The following PDK4 variants were observed in gnomAD, a reference collection of about 807,000 sequenced individuals.
The protein encoded by PDK4 is pyruvate dehydrogenase kinase, isozyme 4.
A neutral mutation model predicts 51.7 loss-of-function variants in PDK4; 43 were observed. That is an observed-to-expected ratio of 0.83 (90% CI 0.65 to 1.07). The LOEUF (loss-of-function observed/expected upper bound fraction) is 1.07, where lower values mean the gene tolerates loss of function less well. PDK4 is among the 50% of genes least tolerant of loss of function. The probability of loss-of-function intolerance (pLI) is 0.00; values close to 1 mark genes in which losing one functional copy is unlikely to be tolerated. For missense variants in PDK4, 498 were observed against 503.5 expected, an observed-to-expected ratio of 0.99 and a Z score of 0.10; for synonymous variants, 170 against 176.6, an observed-to-expected ratio of 0.96 and a Z score of 0.30.
At chr7:95,588,951 T>G (rs1791519039) in intron 7 of PDK4, among the ~76,000 whole-genome samples, 1 of 152,210 alleles carries the variant, frequency 6.6e-6, no homozygotes, top group South Asian at 2.1e-4. Flanking sequence ...AGAATCTGTG[T>G]TTTAACATGC....
At chr7:95,589,545 A>G in intron 7 of PDK4, 95 bp downstream of exon 7, 2 of 656,852 alleles carry the variant, frequency 3.0e-6, no homozygotes, top group South Asian at 2.2e-5. Flanking sequence ...AAAGATATTG[A>G]GGCTTCTGTT....
intron 7 of PDK4, among the ~76,000 whole-genome samples, 182 bp downstream of exon 7, chr7:95,589,458 C>T (rs1791525443): frequency 1.3e-5 from 2 of 152,196 alleles, no homozygotes; most frequent in South Asian, 2.1e-4. Context: ...GTTGATGCTA[C>T]AATGAGCTAC....
At chr7:95,593,360 T>C (rs1439600127) in intron 3 of PDK4, among the ~76,000 whole-genome samples, 3 of 152,118 alleles carry the variant, frequency 2.0e-5, no homozygotes, top group Non-Finnish European at 2.9e-5. Context: ...TCAGTTACTC[T>C]GAAAGAAAAT....
intron 1 of PDK4, 146 bp from the exon 2 acceptor site, chr7:95,595,310 G>T (rs954911138): frequency 1.9e-6 from 1 of 527,852 alleles, no homozygotes; most frequent in Non-Finnish European, 3.3e-6. Flanking sequence ...CGATAATTCA[G>T]GGGCGATTGT....
Position 95,596,431 on chromosome 7 carries a change from CCTGGG to C in PDK4, c.-143_-139del. 1.0e-6 allele frequency: 1 copy of C among 957,734 alleles called. No homozygotes were observed. The highest frequency in any genetic ancestry group is 1.8e-5 in the African/African-American group (1 of 56,670). The allele number at this position is 957,734 out of a possible 1,614,324, so 59.3% of individuals were successfully genotyped here. ...GCGCTGGCTGGCTTGTGCGCCCCGG[CCTGGG>C]CTGGGGTTTGAGGGTGCCGCGGAGT... is the stretch of plus-strand genomic sequence containing the variant. On this transcript the variant is annotated 5_prime_UTR_variant, in exon 1 of 11. Transcript: ENST00000005178.
intron 7 of PDK4, among the ~76,000 whole-genome samples, 193 bp downstream of exon 7, chr7:95,589,447 T>G (rs1791525330): frequency 6.6e-6 from 1 of 152,238 alleles, no homozygotes; most frequent in Non-Finnish European, 1.5e-5. Context: ...CTCAAATATG[T>G]GTTGATGCTA....
intron 5 of PDK4, 43 bp from the exon 6 acceptor site, chr7:95,592,108 G>A: frequency 9.3e-7 from 1 of 1,078,406 alleles, no homozygotes. Flanking sequence ...ATGAGTTTAT[G>A]CCAAGTACAG....
In PDK4 at chr7:95,585,668, C is replaced by G. The variant is rs764370330; in HGVS notation, c.1209G>C (p.Lys403Asn). ...DDWCIPSREPKNLAKEVAM is the reference protein window; with the variant it reads ...DDWCIPSREPNNLAKEVAM ...ACATGGCCACTTCTTTTGCCAGGTT[C>G]TTTGGTTCCCTGCTTGGGATACACC... is the stretch of plus-strand genomic sequence containing the variant. Residue 403 changes from lysine (K) to asparagine (N), a missense_variant, in exon 11 of 11, where the codon AAG (lysine) becomes AAC (asparagine). Lys to Asn is a moderately conservative substitution (Grantham distance 94). Coordinates refer to ENST00000005178, the MANE Select transcript of PDK4 (RefSeq NM_002612.4). 2.5e-6 allele frequency: 4 copies of G among 1,610,234 alleles called. No individual in the cohort carries two copies. Among genetic ancestry groups the G allele is most frequent in the East Asian group, 2.2e-5 (1 of 44,792 alleles).
intron 6 of PDK4, among the ~76,000 whole-genome samples, chr7:95,590,438 A>G (rs565789084): frequency 4.6e-5 from 7 of 152,174 alleles, no homozygotes; most frequent in Non-Finnish European, 5.9e-5. Context: ...AATAAAAAGT[A>G]AAATAAAATT....
At position 95,593,708 on chromosome 7, in the gene PDK4, G is replaced by T; in HGVS notation, c.335C>A (p.Ala112Glu). 1 of 1,516,042 alleles carries T rather than the reference G, an allele frequency of 6.6e-7. No homozygotes were observed. Among genetic ancestry groups the T allele is most frequent in the Non-Finnish European group, 9.2e-7 (1 of 1,090,726 alleles). The allele number at this position is 1,516,042 out of a possible 1,614,324, so 93.9% of individuals were successfully genotyped here. A position where few individuals can be genotyped will look rare whatever the true frequency, so the allele number is the denominator to read the frequency against. The change falls in exon 3 of 11, where the codon GCA becomes GAA. Residue 112 changes from alanine to glutamate, a missense_variant. Coordinates refer to ENST00000005178, the MANE Select transcript of PDK4 (RefSeq NM_002612.4). ...FHEKSPDDQK[A>E]LSDFVDTLIK... ...AATGCATAGAGCTTACTCTGATAAT[G>T]CTTTCTGGTCATCTGGGCTTTTCTC...
In PDK4 at chr7:95,587,739, G is replaced by T; in HGVS notation, c.858C>A (p.Asp286Glu). The T allele has an allele frequency of 6.2e-7, 1 of 1,605,798 alleles. No individual in the cohort carries two copies. The highest frequency in any genetic ancestry group is 1.3e-5 in the African/African-American group (1 of 74,908). ...IEVIVVLGKE[D>E]LTIKISDRGG... Reference sequence around the variant, plus strand: ...AGAGAATGGTTACCTTAATGGTAAGGTCTTCTTTTCCCAAGACAACAATAA... The same window carrying T: ...AGAGAATGGTTACCTTAATGGTAAGTTCTTCTTTTCCCAAGACAACAATAA... The change falls in exon 8 of 11, where the codon GAC (aspartate) becomes GAA (glutamate). Residue 286 changes from aspartate (D) to glutamate (E), a missense_variant. Asp to Glu is a conservative substitution (Grantham distance 45). Coordinates refer to ENST00000005178, the MANE Select transcript of PDK4 (RefSeq NM_002612.4).
At chr7:95,595,623 A>G (rs1791609724) in intron 1 of PDK4, among the ~76,000 whole-genome samples, 1 of 152,208 alleles carries the variant, frequency 6.6e-6, no homozygotes, top group African/African-American at 2.4e-5. Context: ...AATCTTCCTT[A>G]TAAGATTACT....
Position 95,593,448 on chromosome 7 carries a change from A to C in PDK4, c.344+251T>G, listed in dbSNP as rs554458142. The stretch of plus-strand genomic sequence containing the variant: ...TCCTACACATCTCATTATTGGAGTA[A>C]ATTTATAGTAAAAATAGGTCTCCCT... On this transcript the variant is annotated intron_variant, in intron 3 of 10. Transcript: ENST00000005178. Among the ~76,000 whole-genome samples, 3 of 152,224 alleles carry C rather than the reference A, an allele frequency of 2.0e-5. No homozygotes were observed. The East Asian group carries it at 5.8e-4, about 29-fold the overall frequency.
rs1791624235 is a variant in PDK4 at position 95,596,442 on chromosome 7, G to C, written c.-149C>G. 3 of 794,626 alleles carry C rather than the reference G, an allele frequency of 3.8e-6. No individual in the cohort carries two copies. The highest frequency in any genetic ancestry group is 5.5e-6 in the Non-Finnish European group (3 of 545,258). 49.2% of individuals were successfully genotyped at this position (794,626 alleles called of 1,614,324 possible). A position where few individuals can be genotyped will look rare whatever the true frequency, so the allele number is the denominator to read the frequency against. On this transcript the variant is annotated 5_prime_UTR_variant, in exon 1 of 11. Coordinates refer to ENST00000005178, the MANE Select transcript of PDK4 (RefSeq NM_002612.4). ...CTTGTGCGCCCCGGCCTGGGCTGGGGTTTGAGGGTGCCGCGGAGTGAAGAG... is the reference window on the plus strand; with the variant it reads ...CTTGTGCGCCCCGGCCTGGGCTGGGCTTTGAGGGTGCCGCGGAGTGAAGAG...
At position 95,596,312 on chromosome 7, in the gene PDK4, T is replaced by A. The variant is rs1291230941; in HGVS notation, c.-19A>T. The A allele has an allele frequency of 5.1e-6, 8 of 1,558,048 alleles. No individual in the cohort carries two copies. Among genetic ancestry groups the A allele is most frequent in the South Asian group, 1.2e-5 (1 of 85,136 alleles). On this transcript the variant is annotated 5_prime_UTR_variant, in exon 1 of 11. Transcript: ENST00000005178. ...CCTTCATCTTGACGCCCACCCGGCCTGGCGGGGACTGTGGCTGGCTTGAGG... is the reference window on the plus strand; with the variant it reads ...CCTTCATCTTGACGCCCACCCGGCCAGGCGGGGACTGTGGCTGGCTTGAGG...
At chr7:95,593,954 A>G (rs187736530) in intron 2 of PDK4, among the ~76,000 whole-genome samples, 184 bp from the exon 3 acceptor site, 1 of 152,324 alleles carries the variant, frequency 6.6e-6, no homozygotes, top group Non-Finnish European at 1.5e-5. Flanking sequence ...TTAATCCTTG[A>G]CTTTCAAACT....
rs1791442996 is a variant in PDK4, at chr7:95,583,701, A to T, written c.*1940T>A. 1.3e-5 allele frequency: 2 copies of T among 152,636 alleles called. No homozygotes were observed. Among genetic ancestry groups the T allele is most frequent in the South Asian group, 4.1e-4 (2 of 4,830 alleles). The allele number at this position is 152,636 out of a possible 1,614,324, so 9.5% of individuals were successfully genotyped here. ...CTATTTTATCAAAGTTCATTTGCACAGTTGGTGTAATTGAGATACTAACAT... is the reference window on the plus strand; with the variant it reads ...CTATTTTATCAAAGTTCATTTGCACTGTTGGTGTAATTGAGATACTAACAT... On this transcript the variant is annotated 3_prime_UTR_variant, in exon 11 of 11. Coordinates refer to ENST00000005178, the MANE Select transcript of PDK4 (RefSeq NM_002612.4).
At chr7:95,587,147 GT>G (rs1221473491) in intron 9 of PDK4, 24 bp from the exon 10 acceptor site, 7 of 1,328,908 alleles carry the variant, frequency 5.3e-6, no homozygotes, top group African/African-American at 1.5e-5. Context: ...ACGTTATCAG[GT>G]AAAGAAGTGT....
At position 95,585,599 on chromosome 7, in the gene PDK4, T is replaced by C. The variant is rs55879823; in HGVS notation, c.*42A>G. 0.09 allele frequency: 141,556 copies of C among 1,565,202 alleles called. 8,494 individuals carry two copies. Among genetic ancestry groups the C allele is most frequent in the African/African-American group, 0.3 (22,080 of 73,904 alleles). ...AAACATTCAGGAAGCAGCACTGGTG[T>C]AGACCCACTTTGATCCCGTAAAGTG... On this transcript the variant is annotated 3_prime_UTR_variant, in exon 11 of 11. Transcript: ENST00000005178.
Sources: gnomAD v4.1 joint callset for allele counts (sites outside exome capture counted in the v4.1 genomes callset) on GRCh38, gnomAD v4.1.1 for gene constraint, MANE v1.5 for transcripts, NCBI Gene and HGNC (gene_info 2026-07-23, HGNC 2026-07-21) for gene names.